The following OPRM1 variants were observed in gnomAD, a reference collection of about 807,000 sequenced individuals.
The protein encoded by OPRM1 is opioid receptor mu 1.
Under a neutral mutation model 31.8 loss-of-function variants are expected in OPRM1, and 27 were observed. The observed-to-expected ratio is 0.85, with a 90% CI of 0.63 to 1.17. The LOEUF is 1.17. Ranked by LOEUF, OPRM1 falls within the 50% of genes most tolerant of loss-of-function variation. OPRM1 has a pLI of 0.00. For synonymous variants in OPRM1, 196 were observed against 189.9 expected, an observed-to-expected ratio of 1.03 and a Z score of -0.26; for missense variants, 536 against 511.1, an observed-to-expected ratio of 1.05 and a Z score of -0.47.
At chr6:154,185,498 G>A (rs1801260379) in intron 3 of OPRM1, among the ~76,000 whole-genome samples, 1 of 152,218 alleles carries the variant, frequency 6.6e-6, no homozygotes, top group African/African-American at 2.4e-5. Flanking sequence ...ATGGTTAAAG[G>A]TCTAGTTTGT....
At position 154,125,546 on chromosome 6, in the gene OPRM1, GA is replaced by G. The variant is rs2128529507; in HGVS notation, c.*6829del. On this transcript the variant is annotated 3_prime_UTR_variant, in exon 4 of 4. Transcript: ENST00000330432. ...CACAGAGTCCCTTTGAGACAGTGGG[GA>G]AAATTCATCTTCATATTGTCACATG... Among the ~76,000 whole-genome samples the G allele has an allele frequency of 6.6e-6, 1 of 152,250 alleles. No individual in the cohort carries two copies. The highest frequency in any genetic ancestry group is 2.4e-5 in the African/African-American group (1 of 41,530).
At chr6:154,244,930 G>A (rs1017104046) in intron 3 of OPRM1, among the ~76,000 whole-genome samples, 8 of 152,142 alleles carry the variant, frequency 5.3e-5, no homozygotes, top group African/African-American at 1.9e-4. Context: ...AGGTAAATCA[G>A]TAGGTTCTCT....
chr6:154,095,869 G>A (rs1214608964), intron 3 of OPRM1, among the ~76,000 whole-genome samples: 1 of 151,902 alleles, frequency 6.6e-6, no homozygotes, highest in Non-Finnish European at 1.5e-5. Flanking sequence ...CTCCACACAC[G>A]CCCTACACTG....
At chr6:154,110,546 G>A (rs1011709916) in intron 3 of OPRM1, 6 of 634,484 alleles carry the variant, frequency 9.5e-6, no homozygotes, top group African/African-American at 1.9e-5. Flanking sequence ...GTTGCTTAAG[G>A]GATCCCTTCA....
chr6:154,159,895 T>C (rs1207059730), intron 3 of OPRM1: 2 of 1,613,568 alleles, frequency 1.2e-6, no homozygotes, highest in African/African-American at 2.7e-5. Flanking sequence ...GTCATCAGTG[T>C]CATCAGGGGC....
chr6:154,226,243 T>C (rs1454935463), intron 3 of OPRM1, among the ~76,000 whole-genome samples: 1 of 152,294 alleles, frequency 6.6e-6, no homozygotes, highest in South Asian at 2.1e-4. Flanking sequence ...ATCACCACTG[T>C]CCACATATAT....
In OPRM1 at chr6:154,107,883, C is replaced by T. The variant is rs994797893; in HGVS notation, c.1165-10800C>T. 1.5e-6 allele frequency: 1 copy of T among 677,482 alleles called. No individual in the cohort carries two copies. The highest frequency in any genetic ancestry group is 1.8e-5 in the African/African-American group (1 of 55,022). 42.0% of individuals were successfully genotyped at this position (677,482 alleles called of 1,614,324 possible). On this transcript the variant is annotated intron_variant, in intron 3 of 3. Coordinates refer to ENST00000330432, the MANE Select transcript of OPRM1 (RefSeq NM_000914.5). ...AACGACCTCATAACACAAAATACAC[C>T]AGCTTAAAAATAGCCTTTGAATTAT...
rs748807412 is a variant in OPRM1, at chr6:154,090,077, G to A, written c.542G>A (p.Arg181His). Residue 181 changes from arginine to histidine, a missense_variant, in exon 2 of 4, where the codon CGT (arginine) becomes CAT (histidine). Coordinates refer to ENST00000330432, the MANE Select transcript of OPRM1 (RefSeq NM_000914.5). ...CACCCTGTCAAGGCCTTAGATTTCC[G>A]TACTCCCCGAAATGCCAAAATTATC... ...VCHPVKALDFRTPRNAKIINV... is the reference protein window; with the variant it reads ...VCHPVKALDFHTPRNAKIINV... The A allele has an allele frequency of 2.8e-5, 46 of 1,614,052 alleles. No individual in the cohort carries two copies. The East Asian group carries it at 3.3e-4, about 12-fold the overall frequency.
intron 3 of OPRM1, among the ~76,000 whole-genome samples, chr6:154,192,358 A>ATG (rs1022939800): frequency 4.4e-5 from 4 of 91,638 alleles, no homozygotes; most frequent in Admixed American, 1.9e-4. Flanking sequence ...GTGTGTATGC[A>ATG]TGTGTGTGTA....
chr6:154,199,055 T>TTATTAAC (rs1293308399), intron 3 of OPRM1, among the ~76,000 whole-genome samples: 2 of 152,238 alleles, frequency 1.3e-5, no homozygotes, highest in East Asian at 3.8e-4. Flanking sequence ...AAACCTCATA[T>TTATTAAC]TATTAACTTC....
intron 1 of OPRM1, among the ~76,000 whole-genome samples, chr6:154,070,553 T>A (rs1237827215): frequency 6.6e-6 from 1 of 152,242 alleles, no homozygotes; most frequent in Non-Finnish European, 1.5e-5. Flanking sequence ...ATGTTGGCTC[T>A]AATTATAATG....
At chr6:154,019,052 C>T (rs1778181852) in intron 1 of OPRM1, among the ~76,000 whole-genome samples, 1 of 151,918 alleles carries the variant, frequency 6.6e-6, no homozygotes, top group Admixed American at 6.6e-5. Flanking sequence ...GTGTAATAAT[C>T]ACATCATGCC....
At chr6:154,213,042 A>T (rs1178883011) in intron 3 of OPRM1, 1 of 568,814 alleles carries the variant, frequency 1.8e-6, no homozygotes. Context: ...CAAATGGCCA[A>T]TTCGGGGCTC....
At chr6:154,222,384 C>G (rs1346577568) in intron 3 of OPRM1, among the ~76,000 whole-genome samples, 3 of 152,216 alleles carry the variant, frequency 2.0e-5, no homozygotes, top group African/African-American at 7.2e-5. Context: ...TAAAAGAAAA[C>G]TACTCAATTG....
chr6:154,228,203 C>T (rs957382377), intron 3 of OPRM1, among the ~76,000 whole-genome samples: 19 of 151,992 alleles, frequency 1.3e-4, no homozygotes, highest in South Asian at 4.1e-4. Flanking sequence ...GGGTGGCTCA[C>T]GCCTGTAATC....
At chr6:154,102,669 A>G (rs571311656) in intron 3 of OPRM1, among the ~76,000 whole-genome samples, 5 of 152,276 alleles carry the variant, frequency 3.3e-5, no homozygotes, top group African/African-American at 1.2e-4. Context: ...TGTGATGCCA[A>G]AATGCCTCCA....
rs536381220 is a variant in OPRM1 at position 154,128,748 on chromosome 6, G to T, written c.*10027G>T. Among the ~76,000 whole-genome samples the T allele has an allele frequency of 2.6e-5, 4 of 152,270 alleles. No homozygotes were observed. In the South Asian group the frequency reaches 8.3e-4, roughly 32 times the overall value. ...CATCATTGAGGAAAAAGGCTACCTT[G>T]TACCTCATGGAGAGCTGAAGGTCTG... On this transcript the variant is annotated 3_prime_UTR_variant, in exon 4 of 4. Coordinates refer to ENST00000330432, the MANE Select transcript of OPRM1 (RefSeq NM_000914.5).
intron 1 of OPRM1, among the ~76,000 whole-genome samples, chr6:154,077,073 T>C (rs960845713): frequency 6.6e-6 from 1 of 152,138 alleles, no homozygotes; most frequent in Non-Finnish European, 1.5e-5. Flanking sequence ...TCTGTATCTG[T>C]GCCCATATTT....
At chr6:154,221,554 T>A (rs1381966332) in intron 3 of OPRM1, among the ~76,000 whole-genome samples, 2 of 152,200 alleles carry the variant, frequency 1.3e-5, no homozygotes, top group African/African-American at 4.8e-5. Flanking sequence ...GGCTGAGTCT[T>A]AGCTGGTCAG....
Sources: allele counts gnomAD v4.1 joint callset (sites outside exome capture counted in the v4.1 genomes callset), GRCh38; gene constraint gnomAD v4.1.1; transcripts MANE v1.5; gene names NCBI Gene and HGNC (gene_info 2026-07-23, HGNC 2026-07-21).